GATA4: variants seen among roughly 807,000 people sequenced by gnomAD.
GATA4 encodes the protein GATA binding protein 4, also known as transcription factor GATA-4.
GATA4 carries 7 observed loss-of-function variants against 37.9 expected under a neutral mutation model. The observed-to-expected ratio is 0.18, with a 90% CI of 0.11 to 0.35. GATA4 has a LOEUF of 0.35. Among genes scored for constraint, GATA4 ranks in the 10% least tolerant of loss-of-function variants. The pLI is 1.00. For missense variants in GATA4, 647 were observed against 653.0 expected (o/e 0.99, Z 0.10); for synonymous variants, 372 against 292.6 (o/e 1.27, Z -2.77).
upstream of GATA4, among the ~76,000 whole-genome samples, chr8:11,702,980 C>G (rs1210610958): frequency 6.6e-6 from 1 of 152,222 alleles, no homozygotes; most frequent in Non-Finnish European, 1.5e-5. The surrounding 1 kb of genome is among the most constrained non-coding windows in gnomAD (Gnocchi z 4.4). Flanking sequence ...AGCCCCGCGT[C>G]CTGGCCTCGT....
intron 2 of GATA4, among the ~76,000 whole-genome samples, chr8:11,722,717 T>C (rs1297387699): frequency 2.0e-5 from 3 of 152,148 alleles, no homozygotes; most frequent in Non-Finnish European, 2.9e-5. Context: ...TGTAAGTCTG[T>C]GATGGGAAAA....
At chr8:11,755,390 T>C (rs528970668) in intron 5 of GATA4, among the ~76,000 whole-genome samples, 3 of 152,324 alleles carry the variant, frequency 2.0e-5, no homozygotes, top group South Asian at 4.1e-4. Context: ...GACCCAGTGC[T>C]CAGGCTGGAC....
rs1800003138 is a variant in GATA4, at chr8:11,708,514, G to A, written c.202G>A (p.Gly68Ser). 2.7e-6 allele frequency: 4 copies of A among 1,472,464 alleles called. No individual in the cohort carries two copies. Among genetic ancestry groups the A allele is most frequent in the African/African-American group, 2.9e-5 (2 of 67,980 alleles). The allele number at this position is 1,472,464 out of a possible 1,614,324, so 91.2% of individuals were successfully genotyped here. The change falls in exon 2 of 7, where the codon GGC becomes AGC. Residue 68 changes from glycine (G) to serine (S), a missense_variant. Coordinates refer to ENST00000532059, the MANE Select transcript of GATA4 (RefSeq NM_001308093.3). This position sits in a 1 kb window ranked among gnomAD's most constrained non-coding sequence, Gnocchi z 6.7. ...GAGSASGGAS[G>S]GSSGGAASGA... ...GGGCTCTGCGTCCGGAGGCGCCTCG[G>A]GCGGCAGCTCCGGTGGGGCCGCGTC...
At chr8:11,676,976 C>T (rs1160963820) in exon 1 of GATA4, 7 of 152,152 alleles carry the variant, frequency 4.6e-5, no homozygotes, top group Non-Finnish European at 8.8e-5. Flanking sequence ...CTCCCTCCCA[C>T]CCGGCTGAGA....
chr8:11,743,583 C>A (rs1320974526), intron 2 of GATA4, among the ~76,000 whole-genome samples: 1 of 152,252 alleles, frequency 6.6e-6, no homozygotes, highest in African/African-American at 2.4e-5. Context: ...TGACCCTGGC[C>A]TCTGATTCCT....
At chr8:11,757,619 G>A (rs751123377) in intron 6 of GATA4, among the ~76,000 whole-genome samples, 5 of 152,204 alleles carry the variant, frequency 3.3e-5, no homozygotes, top group Non-Finnish European at 5.9e-5. Context: ...TCCTGCAGAG[G>A]GCAGGCAGGG....
At chr8:11,714,053 C>G (rs10112464) in intron 2 of GATA4, among the ~76,000 whole-genome samples, 6,999 of 152,152 alleles carry the variant, frequency 0.046, 543 homozygotes, top group African/African-American at 0.16. Context: ...GTACTTAAGG[C>G]TGAAAAGGAG....
chr8:11,693,479 AGAGAG>A (rs1250663722), intron 1 of GATA4, among the ~76,000 whole-genome samples: 1 of 76,912 alleles, frequency 1.3e-5, no homozygotes, highest in Non-Finnish European at 2.9e-5. Context: ...GGGAGAAAGA[AGAGAG>A]AGAGAGAGAG....
upstream of GATA4, chr8:11,692,573 C>T (rs943123512): frequency 1.0e-6 from 1 of 985,332 alleles, no homozygotes; most frequent in African/African-American, 1.7e-5. Context: ...GCGGCGGCTC[C>T]GCCTGGGAGG....
intron 2 of GATA4, among the ~76,000 whole-genome samples, chr8:11,712,933 C>A: frequency 6.6e-6 from 1 of 152,146 alleles, no homozygotes; most frequent in Admixed American, 6.5e-5. Flanking sequence ...TGAAATAATA[C>A]AATGCAACCT....
rs372127628 is a variant in GATA4, at chr8:11,693,496, G to A, written c.-729+836G>A. ...GAGAAAGAAGAGAGAGAGAGAGAGA[G>A]AAAAAAAGAGGATTGATTCAGCACA... On this transcript the variant is annotated intron_variant, in intron 1 of 2. Transcript: ENST00000526974. Among the ~76,000 whole-genome samples the A allele has an allele frequency of 2.6e-3, 360 of 137,664 alleles. 2 individuals carry two copies. The highest frequency in any genetic ancestry group is 0.011 in the Middle Eastern group (3 of 278). 90.3% of individuals were successfully genotyped at this position (137,664 alleles called of 152,430 possible). A position where few individuals can be genotyped will look rare whatever the true frequency, so the allele number is the denominator to read the frequency against.
In GATA4 at chr8:11,758,448, C is replaced by T; in HGVS notation, c.1305C>T (p.Asp435=). ...QDSWNSLVLA[D]SHGDIITA ...CTTGGAACAGCCTGGTCTTGGCCGACAGTCACGGGGACATAATCACTGCGT... is the reference window on the plus strand; with the variant it reads ...CTTGGAACAGCCTGGTCTTGGCCGATAGTCACGGGGACATAATCACTGCGT... Residue 435 remains aspartate, a synonymous_variant, in exon 7 of 7, where the codon GAC becomes GAT. Coordinates refer to ENST00000532059, the MANE Select transcript of GATA4 (RefSeq NM_001308093.3). The T allele has an allele frequency of 6.2e-7, 1 of 1,614,238 alleles. No individual in the cohort carries two copies. The highest frequency in any genetic ancestry group is 1.1e-5 in the South Asian group (1 of 91,084).
intron 2 of GATA4, among the ~76,000 whole-genome samples, chr8:11,723,269 A>G (rs1800756915): frequency 6.6e-6 from 1 of 151,820 alleles, no homozygotes; most frequent in Non-Finnish European, 1.5e-5. Context: ...AAGTGGGAGG[A>G]TTGCTTGACC....
intron 1 of GATA4, chr8:11,694,477 C>T (rs939067262): frequency 5.1e-6 from 5 of 985,250 alleles, no homozygotes; most frequent in Admixed American, 1.2e-4. Context: ...CTCTCCGAGC[C>T]GTGGACTGCA....
chr8:11,703,285 C>T (rs1296137972), upstream of GATA4, among the ~76,000 whole-genome samples: 1 of 152,172 alleles, frequency 6.6e-6, no homozygotes, highest in Non-Finnish European at 1.5e-5. Flanking sequence ...TAATAGGGCC[C>T]TGTGATTGCT....
chr8:11,750,007 C>A, intron 3 of GATA4, 104 bp from the exon 4 acceptor site: 1 of 1,548,460 alleles, frequency 6.5e-7, no homozygotes. Context: ...TAGGGCCCAG[C>A]CCTGCCTCCC....
At chr8:11,685,072 G>A (rs998448023) in intron 1 of GATA4, among the ~76,000 whole-genome samples, 2 of 152,088 alleles carry the variant, frequency 1.3e-5, no homozygotes, top group African/African-American at 4.8e-5. Flanking sequence ...TTTATAATTT[G>A]ACAAGGACGC....
chr8:11,720,927 T>A (rs1056731938), intron 2 of GATA4, among the ~76,000 whole-genome samples: 4 of 151,932 alleles, frequency 2.6e-5, no homozygotes, highest in African/African-American at 9.7e-5. Flanking sequence ...TTCATAGAAG[T>A]TCAGCTCCCT....
intron 1 of GATA4, among the ~76,000 whole-genome samples, chr8:11,705,534 G>A (rs1215442099): frequency 6.6e-6 from 1 of 152,180 alleles, no homozygotes; most frequent in Non-Finnish European, 1.5e-5. Flanking sequence ...GTTGGCCTGC[G>A]AATTTGGGGT....
Sources: gnomAD v4.1 joint callset for allele counts (sites outside exome capture counted in the v4.1 genomes callset) on GRCh38, gnomAD v4.1.1 for gene constraint, Gnocchi (gnomAD v3.1) non-coding constraint, MANE v1.5 for transcripts, NCBI Gene and HGNC (gene_info 2026-07-23, HGNC 2026-07-21) for gene names.